Variants in POLR3A observed in about 807,000 individuals in gnomAD.
The protein encoded by POLR3A is RNA polymerase III subunit A.
Under a neutral mutation model 152.8 loss-of-function variants are expected in POLR3A, and 112 were observed. The ratio of observed to expected loss-of-function variants is 0.73; its 90% CI spans 0.63 to 0.86. The LOEUF is 0.86. Ranked by LOEUF, POLR3A falls within the 40% of genes least tolerant of loss-of-function variation. POLR3A has a pLI of 0.00. For synonymous variants in POLR3A, 615 were observed against 652.1 expected, an observed-to-expected ratio of 0.94 and a Z score of 0.87; for missense variants, 1,385 against 1,743.1, an observed-to-expected ratio of 0.79 and a Z score of 3.66.
chr10:77,977,702 A>T, intron 30 of POLR3A, 76 bp from the exon 31 acceptor site: 1 of 1,293,336 alleles, frequency 7.7e-7, no homozygotes, highest in Admixed American at 1.7e-5. Flanking sequence ...CTATTGGCTT[A>T]AGTGTCAGAA....
chr10:77,981,345 T>C (rs1051755738), intron 29 of POLR3A, 83 bp downstream of exon 29: 2 of 1,322,526 alleles, frequency 1.5e-6, no homozygotes, highest in African/African-American at 1.4e-5. Flanking sequence ...GTATTCTACA[T>C]GTCTTAGAAA....
rs1847362551 is a variant in POLR3A at position 78,002,074 on chromosome 10, G to A, written c.2359+123C>T. The stretch of plus-strand genomic sequence containing the variant: ...TGCAAATAATTAAGTCTCTCTCTCT[G>A]ATTTAAAAAGATCCCTTAAATAAAT... On this transcript the variant is annotated intron_variant, in intron 17 of 30. Transcript: ENST00000372371. 9.4e-6 allele frequency: 6 copies of A among 636,212 alleles called. No individual in the cohort carries two copies. The Admixed American group carries it at 1.8e-4, about 19-fold the overall frequency. The allele number at this position is 636,212 out of a possible 1,614,324, so 39.4% of individuals were successfully genotyped here. A position where few individuals can be genotyped will look rare whatever the true frequency, so the allele number is the denominator to read the frequency against.
chr10:77,983,813 G>T, intron 26 of POLR3A, 107 bp downstream of exon 26: 1 of 751,830 alleles, frequency 1.3e-6, no homozygotes, highest in Non-Finnish European at 2.4e-6. Context: ...CACACAGAAG[G>T]TTCTGCAATG....
chr10:78,001,414 G>A (rs996414343), intron 17 of POLR3A, among the ~76,000 whole-genome samples: 1 of 152,082 alleles, frequency 6.6e-6, no homozygotes, highest in Non-Finnish European at 1.5e-5. Context: ...TAAAGGGAGA[G>A]GGGGAGGAAT....
In POLR3A at chr10:78,008,632, A is replaced by G. The variant is rs146796185; in HGVS notation, c.1910-766T>C. Among the ~76,000 whole-genome samples the G allele has an allele frequency of 2.6e-4, 39 of 152,270 alleles. No homozygotes were observed. The East Asian group carries it at 7.3e-3, about 29-fold the overall frequency. On this transcript the variant is annotated intron_variant, in intron 14 of 30. Transcript: ENST00000372371. ...ACGTGCTCACATCAGAAAGTAACTCAATGGATGCTGGCTAAACAGCAGGGC... is the reference window on the plus strand; with the variant it reads ...ACGTGCTCACATCAGAAAGTAACTCGATGGATGCTGGCTAAACAGCAGGGC...
In POLR3A at chr10:78,004,874, A is replaced by G. The variant is rs1189081094; in HGVS notation, c.2089T>C (p.Ser697Pro). ...APVYLSNRGF[S>P]IGIGDVTPGQ... ...GGTGTGACATCACCGATCCCAATTG[A>G]GAAACCACGGTTAGCTGTTGAGTTG... Residue 697 changes from serine (S) to proline (P), a missense_variant, in exon 16 of 31, where the codon TCA (serine) becomes CCA (proline). Physicochemically the swap from Ser to Pro is moderately conservative, Grantham distance 74. Transcript: ENST00000372371. The G allele has an allele frequency of 1.2e-6, 2 of 1,614,158 alleles. No homozygotes were observed. The highest frequency in any genetic ancestry group is 1.7e-6 in the Non-Finnish European group (2 of 1,179,988).
At chr10:78,004,122 T>C (rs2131945222) in intron 16 of POLR3A, among the ~76,000 whole-genome samples, 1 of 152,086 alleles carries the variant, frequency 6.6e-6, no homozygotes, top group Non-Finnish European at 1.5e-5. Context: ...TAATCCCAGC[T>C]ACTTGGGAGG....
At chr10:78,007,276 C>T (rs922441051) in intron 15 of POLR3A, among the ~76,000 whole-genome samples, 2 of 152,118 alleles carry the variant, frequency 1.3e-5, no homozygotes, top group Middle Eastern at 6.8e-3. Flanking sequence ...GACTCATGGC[C>T]CACTCAAAGC....
intron 14 of POLR3A, among the ~76,000 whole-genome samples, chr10:78,008,173 G>A (rs1382179569): frequency 6.6e-6 from 1 of 152,120 alleles, no homozygotes; most frequent in Admixed American, 6.6e-5. Flanking sequence ...TTTATGTTAT[G>A]GGATATTTTG....
chr10:78,020,559 C>T (rs1209198436), intron 8 of POLR3A, among the ~76,000 whole-genome samples: 2 of 151,534 alleles, frequency 1.3e-5, no homozygotes, highest in Non-Finnish European at 2.9e-5. Flanking sequence ...GAGGCCAAGG[C>T]GGGCGGATCA....
chr10:78,010,491 G>C lies in POLR3A; in HGVS notation c.1622C>G (p.Ala541Gly), dbSNP rs1320203837. ...CCTACCTGTTAGAAAATCCTGAATA[G>C]CAGCAATCAGCGGTTCCCCATTCCT... ...TPRNGEPLIA[A>G]IQDFLTGAYL... The change falls in exon 12 of 31, where the codon GCT (alanine) becomes GGT (glycine). Residue 541 changes from alanine (A) to glycine (G), a missense_variant. Ala to Gly is a moderately conservative substitution (Grantham distance 60). This residue lies in a region of POLR3A where 188 missense variants were observed against 179.9 expected (regional missense o/e 1.04). Coordinates refer to ENST00000372371, the MANE Select transcript of POLR3A (RefSeq NM_007055.4). 1.5e-5 allele frequency: 24 copies of C among 1,613,820 alleles called. No individual in the cohort carries two copies. The highest frequency in any genetic ancestry group is 1.9e-5 in the Non-Finnish European group (23 of 1,179,700).
At chr10:78,026,327 T>G in intron 1 of POLR3A, 98 bp from the exon 2 acceptor site, 1 of 1,207,806 alleles carries the variant, frequency 8.3e-7, no homozygotes, top group Non-Finnish European at 1.2e-6. Context: ...TCCTTCCAAC[T>G]GTCTCCACTG....
chr10:78,010,047 T>C, intron 12 of POLR3A, 56 bp from the exon 13 acceptor site: 2 of 1,603,886 alleles, frequency 1.2e-6, no homozygotes, highest in South Asian at 2.2e-5. Flanking sequence ...GTGAGAATAC[T>C]GCAAGGTTTC....
chr10:78,022,926 G>C (rs746136873), intron 5 of POLR3A, among the ~76,000 whole-genome samples: 5 of 152,206 alleles, frequency 3.3e-5, no homozygotes, highest in Non-Finnish European at 7.3e-5. Flanking sequence ...GGAAGGCCGA[G>C]GTAGGTAGAT....
At chr10:77,984,418 T>C (rs1847178307) in intron 24 of POLR3A, 120 bp from the exon 25 acceptor site, 2 of 719,032 alleles carry the variant, frequency 2.8e-6, no homozygotes, top group Non-Finnish European at 2.6e-6. Context: ...CCCAGTTTAC[T>C]GAGCAAGCTC....
rs1564624982 is a variant in POLR3A at position 78,029,284 on chromosome 10, A to G, written c.44+80T>C. 3 of 1,427,044 alleles carry G rather than the reference A, an allele frequency of 2.1e-6. No homozygotes were observed. In the East Asian group the frequency reaches 6.8e-5, roughly 32 times the overall value. 88.4% of individuals were successfully genotyped at this position (1,427,044 alleles called of 1,614,324 possible). A position where few individuals can be genotyped will look rare whatever the true frequency, so the allele number is the denominator to read the frequency against. On this transcript the variant is annotated intron_variant, in intron 1 of 30. Coordinates refer to ENST00000372371, the MANE Select transcript of POLR3A (RefSeq NM_007055.4). ...CCCTTCCCATTGCACCCCATCTCTG[A>G]CCCTGCAAGACCCGGGACCGCTGAC...
rs550080488 is a variant in POLR3A at position 78,003,860 on chromosome 10, T to C, written c.2247+856A>G. On this transcript the variant is annotated intron_variant, in intron 16 of 30. Transcript: ENST00000372371. ...GGGATAATTGCTTGCACCCAGGAGG[T>C]AGAGGTTGCAGTGAGATGAGATTGC... Among the ~76,000 whole-genome samples, 105 of 151,026 alleles carry C rather than the reference T, an allele frequency of 7.0e-4. 1 individual carries two copies. Among genetic ancestry groups the C allele is most frequent in the African/African-American group, 2.3e-3 (93 of 41,034 alleles).
chr10:77,999,583 G>A (rs1416948440), intron 19 of POLR3A, among the ~76,000 whole-genome samples: 2 of 152,152 alleles, frequency 1.3e-5, no homozygotes, highest in Admixed American at 1.3e-4. Flanking sequence ...TAGGTCATTA[G>A]AGTTAATTAG....
At chr10:78,010,162 TTTG>T (rs1372112559) in intron 12 of POLR3A, among the ~76,000 whole-genome samples, 171 bp from the exon 13 acceptor site, 1 of 152,196 alleles carries the variant, frequency 6.6e-6, no homozygotes, top group Non-Finnish European at 1.5e-5. Context: ...GGAACGTGAC[TTTG>T]TTTTGTTCAC....
Sources: gnomAD v4.1 joint callset for allele counts (sites outside exome capture counted in the v4.1 genomes callset) on GRCh38, gnomAD v4.1.1 for gene constraint, gnomAD v4.1.1 regional missense constraint, MANE v1.5 for transcripts, NCBI Gene and HGNC (gene_info 2026-07-23, HGNC 2026-07-21) for gene names.